GALNT3: variants seen among roughly 807,000 people sequenced by gnomAD.
GALNT3 encodes GalNAc transferase 3.
A neutral mutation model predicts 69.8 loss-of-function variants in GALNT3; 51 were observed. The ratio of observed to expected loss-of-function variants is 0.73; its 90% CI spans 0.58 to 0.92. The LOEUF (loss-of-function observed/expected upper bound fraction) is 0.92. Among genes scored for constraint, GALNT3 ranks in the 40% least tolerant of loss-of-function variants. GALNT3 has a pLI of 0.00. For missense variants in GALNT3, 711 were observed against 760.0 expected (o/e 0.94, Z 0.76); for synonymous variants, 265 against 248.5 (o/e 1.07, Z -0.63).
intron 2 of GALNT3, among the ~76,000 whole-genome samples, chr2:165,768,072 CCATGTTGGCCAGGCCAGGCACAGTAGCT>C (rs1196481485): frequency 2.6e-5 from 4 of 152,002 alleles, no homozygotes; most frequent in African/African-American, 9.7e-5. Context: ...TGAGGTTTCA[CCATGTTGGCCAGGCCAGGCACAGTAGCT>C]CATGCCTTTA....
intron 1 of GALNT3, among the ~76,000 whole-genome samples, chr2:165,777,451 A>G (rs985260435): frequency 1.3e-5 from 2 of 152,128 alleles, no homozygotes; most frequent in African/African-American, 4.8e-5. Context: ...AAATTTAAAG[A>G]CCTTGCCCTG....
intron 2 of GALNT3, among the ~76,000 whole-genome samples, chr2:165,768,847 T>A (rs984193099): frequency 2.0e-5 from 3 of 146,418 alleles, no homozygotes; most frequent in African/African-American, 7.6e-5. Context: ...CAGGCTGGAG[T>A]GCAACGGCAC....
At chr2:165,756,403 A>T (rs956853030) in intron 7 of GALNT3, among the ~76,000 whole-genome samples, 3 of 152,216 alleles carry the variant, frequency 2.0e-5, no homozygotes, top group Non-Finnish European at 4.4e-5. Flanking sequence ...GGTTAATAAC[A>T]AGAGTACCAT....
At chr2:165,779,937 T>C (rs1241542081) in intron 1 of GALNT3, among the ~76,000 whole-genome samples, 1 of 152,194 alleles carries the variant, frequency 6.6e-6, no homozygotes, top group Non-Finnish European at 1.5e-5. Context: ...AATCCATATG[T>C]AGAATACTTG....
At chr2:165,757,783 T>G (rs1422963725) in intron 6 of GALNT3, among the ~76,000 whole-genome samples, 1 of 152,166 alleles carries the variant, frequency 6.6e-6, no homozygotes, top group Non-Finnish European at 1.5e-5. Context: ...TATTTAAAAA[T>G]TCATGCCAAT....
intron 1 of GALNT3, among the ~76,000 whole-genome samples, chr2:165,789,014 T>C (rs1683289407): frequency 1.3e-5 from 2 of 152,210 alleles, no homozygotes; most frequent in South Asian, 4.1e-4. Flanking sequence ...GATACCTTGG[T>C]TGAGAGATGT....
chr2:165,750,188 A>G (rs1480910768), intron 9 of GALNT3, among the ~76,000 whole-genome samples: 4 of 152,070 alleles, frequency 2.6e-5, no homozygotes, highest in African/African-American at 9.7e-5. Flanking sequence ...AGAAAAGGGA[A>G]TGAAGAGTTA....
intron 1 of GALNT3, among the ~76,000 whole-genome samples, chr2:165,774,597 C>T (rs538274474): frequency 6.6e-6 from 1 of 152,184 alleles, no homozygotes; most frequent in Admixed American, 6.5e-5. Context: ...TGTAAAGACC[C>T]ATTCAATTAG....
rs1688735913 is a variant in GALNT3, at chr2:165,770,638, C to T, written c.63G>A (p.Trp21Ter). Residue 21 changes from tryptophan to a stop codon, truncating the protein, a stop_gained, in exon 2 of 11, where the codon TGG becomes TGA. Transcript: ENST00000392701. LOFTEE classifies it high-confidence loss of function. ...AGAAAAAAATTACTGCACCAAGCTT[C>T]CAGAACTTTTTATGGTAATGTCTTT... The part of the protein sequence containing the change: ...HIKRHYHKKF[W>*]KLGAVIFFFI... 2 of 1,601,448 alleles carry T rather than the reference C, an allele frequency of 1.2e-6. No homozygotes were observed. Among genetic ancestry groups the T allele is most frequent in the Admixed American group, 1.7e-5 (1 of 58,014 alleles).
intron 1 of GALNT3, among the ~76,000 whole-genome samples, chr2:165,779,630 C>T (rs754508453): frequency 6.6e-5 from 10 of 151,962 alleles, no homozygotes; most frequent in Middle Eastern, 3.2e-3. Flanking sequence ...TGATCTCCAA[C>T]GGCTTCTATT....
intron 9 of GALNT3, among the ~76,000 whole-genome samples, chr2:165,750,119 TC>T (rs1202148176): frequency 4.6e-5 from 7 of 152,050 alleles, no homozygotes; most frequent in South Asian, 2.1e-4. Context: ...GCTGTCTTCC[TC>T]CCCATACCAG....
At chr2:165,758,027 T>C (rs1033616968) in intron 6 of GALNT3, among the ~76,000 whole-genome samples, 2 of 152,186 alleles carry the variant, frequency 1.3e-5, no homozygotes, top group Middle Eastern at 3.2e-3. Context: ...CTCAGTGATA[T>C]GTTCAATTCA....
At chr2:165,790,510 A>G (rs1456679752) in intron 1 of GALNT3, among the ~76,000 whole-genome samples, 4 of 152,174 alleles carry the variant, frequency 2.6e-5, no homozygotes, top group African/African-American at 9.6e-5. Flanking sequence ...AGGATTTTAT[A>G]TCTATAAAGT....
At chr2:165,753,692 A>G (rs1688392993) in intron 9 of GALNT3, among the ~76,000 whole-genome samples, 1 of 152,220 alleles carries the variant, frequency 6.6e-6, no homozygotes. Flanking sequence ...AGCTTAAAAA[A>G]ACAGAAACTT....
chr2:165,753,062 G>A (rs984002276), intron 9 of GALNT3, among the ~76,000 whole-genome samples: 6 of 152,178 alleles, frequency 3.9e-5, no homozygotes, highest in African/African-American at 1.4e-4. Context: ...CTGGGCATCT[G>A]TATCATCTGC....
chr2:165,758,545 C>T, intron 6 of GALNT3: 1 of 458,426 alleles, frequency 2.2e-6, no homozygotes, highest in Non-Finnish European at 3.9e-6. Context: ...ACTGATTCCT[C>T]TTGTTACACT....
chr2:165,762,081 T>C (rs1328248515), intron 3 of GALNT3, 27 bp from the exon 4 acceptor site: 4 of 1,471,626 alleles, frequency 2.7e-6, no homozygotes, highest in Non-Finnish European at 2.8e-6. Context: ...TCAGGGTTAA[T>C]TCTTTCTAAA....
chr2:165,749,644 T>C (rs529197007), intron 10 of GALNT3, 98 bp downstream of exon 10: 3 of 1,036,884 alleles, frequency 2.9e-6, no homozygotes, highest in Admixed American at 3.4e-5. Flanking sequence ...GAAATTCTGA[T>C]AGATAATATT....
At chr2:165,752,235 G>A (rs1032400262) in intron 9 of GALNT3, among the ~76,000 whole-genome samples, 3 of 152,044 alleles carry the variant, frequency 2.0e-5, no homozygotes, top group African/African-American at 7.2e-5. Flanking sequence ...CCTCCAAGAT[G>A]AGCATCTTCT....
Sources: allele counts gnomAD v4.1 joint callset (sites outside exome capture counted in the v4.1 genomes callset), GRCh38; gene constraint gnomAD v4.1.1; transcripts MANE v1.5; gene names NCBI Gene and HGNC (gene_info 2026-07-23, HGNC 2026-07-21).